Variants in ADGRB1 observed in about 807,000 individuals in gnomAD.
ADGRB1 encodes adhesion G protein-coupled receptor B1.
A neutral mutation model predicts 175.7 loss-of-function variants in ADGRB1; 36 were observed. The ratio of observed to expected loss-of-function variants is 0.20; its 90% CI spans 0.16 to 0.27. The LOEUF is 0.27. ADGRB1 is among the 10% of genes least tolerant of loss of function. ADGRB1 has a pLI of 1.00. For synonymous variants in ADGRB1, 1,054 were observed against 979.4 expected (o/e 1.08, Z -1.42); for missense variants, 1,731 against 2,255.3 (o/e 0.77, Z 4.71).
At chr8:142,481,796 C>T in intron 11 of ADGRB1, 85 bp downstream of exon 11, 2 of 1,247,860 alleles carry the variant, frequency 1.6e-6, no homozygotes, top group South Asian at 1.6e-5. Flanking sequence ...GGATCCCCAA[C>T]CCTGGCCACA....
At position 142,476,705 on chromosome 8, in the gene ADGRB1, C is replaced by A; in HGVS notation, c.1057+10C>A. 10 of 1,539,872 alleles carry A rather than the reference C, an allele frequency of 6.5e-6. No individual in the cohort carries two copies. Among genetic ancestry groups the A allele is most frequent in the Non-Finnish European group, 8.8e-6 (10 of 1,140,832 alleles). On this transcript the variant is annotated intron_variant, in intron 4 of 30. Coordinates refer to ENST00000517894, the MANE Select transcript of ADGRB1 (RefSeq NM_001702.3). The stretch of plus-strand genomic sequence containing the variant: ...CCAGCCCCCCAGACCGGTGAGCTGG[C>A]GGGAGGGGGGTGGGTGGGACTAGGG...
intron 18 of ADGRB1, among the ~76,000 whole-genome samples, chr8:142,513,024 G>A (rs868624798): frequency 3.3e-4 from 50 of 152,202 alleles, no homozygotes; most frequent in Admixed American, 1.6e-3. Context: ...TTTGGCAGGC[G>A]GTTCGTGGCT....
At chr8:142,529,716 A>T (rs892099654) in intron 24 of ADGRB1, among the ~76,000 whole-genome samples, 1 of 137,882 alleles carries the variant, frequency 7.3e-6, no homozygotes, top group Non-Finnish European at 1.6e-5. Context: ...GCGTGCATCT[A>T]TGTGTGTGAG....
Position 142,464,544 on chromosome 8 carries a change from G to A in ADGRB1, c.346G>A (p.Gly116Ser). 6.4e-7 allele frequency: 1 copy of A among 1,561,080 alleles called. No individual in the cohort carries two copies. Among genetic ancestry groups the A allele is most frequent in the Non-Finnish European group, 8.6e-7 (1 of 1,156,196 alleles). Residue 116 changes from glycine (G) to serine (S), a missense_variant, in exon 2 of 31, where the codon GGC becomes AGC. Around this residue, in one of 8 missense-constraint regions of ADGRB1, gnomAD observed 383 missense variants for 383.1 expected, o/e 1.00. Coordinates refer to ENST00000517894, the MANE Select transcript of ADGRB1 (RefSeq NM_001702.3). ...SFLESTRTYL[G>S]VESFDEVLRL... ...CCTCGAGTCCACGCGCACCTACCTG[G>A]GCGTGGAGAGCTTCGACGAGGTGCT... is the stretch of plus-strand genomic sequence containing the variant.
intron 2 of ADGRB1, among the ~76,000 whole-genome samples, chr8:142,471,412 G>GC (rs1840654730): frequency 6.6e-6 from 1 of 152,232 alleles, no homozygotes; most frequent in South Asian, 2.1e-4. Context: ...CGGGGTCGGG[G>GC]CCCGGGCGGT....
At chr8:142,522,958 G>A (rs1431539670) in intron 22 of ADGRB1, among the ~76,000 whole-genome samples, 2 of 152,214 alleles carry the variant, frequency 1.3e-5, no homozygotes, top group Non-Finnish European at 2.9e-5. Flanking sequence ...GGGCCATCAG[G>A]GCCTCCCCCT....
At chr8:142,522,405 C>T (rs143564344) in intron 21 of ADGRB1, among the ~76,000 whole-genome samples, 3 of 152,312 alleles carry the variant, frequency 2.0e-5, no homozygotes, top group Non-Finnish European at 2.9e-5. Flanking sequence ...GATTTCTCTG[C>T]GAGTCAGATG....
At chr8:142,490,730 C>G in intron 16 of ADGRB1, 42 bp from the exon 17 acceptor site, 1 of 1,555,230 alleles carries the variant, frequency 6.4e-7, no homozygotes, top group Non-Finnish European at 8.7e-7. Flanking sequence ...GGGGGCTGGT[C>G]CTGGCTGCCA....
chr8:142,469,944 G>A (rs1840559880), intron 2 of ADGRB1, among the ~76,000 whole-genome samples: 1 of 152,324 alleles, frequency 6.6e-6, no homozygotes, highest in Non-Finnish European at 1.5e-5. Flanking sequence ...GTGGGACCTG[G>A]GGACACTGGG....
intron 25 of ADGRB1, 136 bp downstream of exon 25, chr8:142,533,602 C>A (rs1039084828): frequency 9.6e-7 from 1 of 1,047,090 alleles, no homozygotes. Flanking sequence ...CATCTGCAGG[C>A]CTCGGTGGTC....
chr8:142,521,021 C>A, intron 20 of ADGRB1, 96 bp downstream of exon 20: 1 of 1,244,678 alleles, frequency 8.0e-7, no homozygotes, highest in Non-Finnish European at 1.1e-6. Context: ...CCCTGGGAAA[C>A]TCAGGCAGGC....
intron 24 of ADGRB1, among the ~76,000 whole-genome samples, chr8:142,530,248 G>T (rs563737238): frequency 1.3e-5 from 2 of 151,954 alleles, no homozygotes; most frequent in African/African-American, 4.8e-5. Flanking sequence ...GTGTGTGTAC[G>T]CATGTGTGCC....
intron 13 of ADGRB1, among the ~76,000 whole-genome samples, chr8:142,486,872 A>C (rs996087437): frequency 1.3e-5 from 2 of 152,022 alleles, no homozygotes; most frequent in East Asian, 1.9e-4. Flanking sequence ...TTTTAAAAAA[A>C]TTAGCCAGGC....
At chr8:142,467,228 G>T (rs1181973293) in intron 2 of ADGRB1, among the ~76,000 whole-genome samples, 1 of 152,230 alleles carries the variant, frequency 6.6e-6, no homozygotes. Flanking sequence ...GGAACCCAAG[G>T]GCCTTAGCAG....
At chr8:142,544,112 C>A in intron 30 of ADGRB1, 108 bp from the exon 31 acceptor site, 2 of 1,223,834 alleles carry the variant, frequency 1.6e-6, no homozygotes, top group Non-Finnish European at 2.3e-6. Flanking sequence ...TGTCCCCCAC[C>A]TCCCGTCCCT....
At chr8:142,502,010 T>C (rs1222159975) in intron 17 of ADGRB1, among the ~76,000 whole-genome samples, 1 of 146,518 alleles carries the variant, frequency 6.8e-6, no homozygotes, top group East Asian at 2.1e-4. Context: ...ATGGTGATAG[T>C]GATGGTTGTG....
Position 142,489,317 on chromosome 8 carries a change from G to C in ADGRB1, c.2529-19G>C, listed in dbSNP as rs1469275249. 2.5e-6 allele frequency: 4 copies of C among 1,612,162 alleles called. No individual in the cohort carries two copies. The highest frequency in any genetic ancestry group is 3.4e-6 in the Non-Finnish European group (4 of 1,179,368). Reference sequence around the variant, plus strand: ...GGCTGGGAGGGCTCCCCCGACACCTGTGCCTCTGGCTCTTGCAGGAACACG... The same window carrying C: ...GGCTGGGAGGGCTCCCCCGACACCTCTGCCTCTGGCTCTTGCAGGAACACG... On this transcript the variant is annotated intron_variant, in intron 15 of 30. Transcript: ENST00000517894.
chr8:142,485,707 C>T lies in ADGRB1; in HGVS notation c.2308+943C>T, dbSNP rs377069716. On this transcript the variant is annotated intron_variant, in intron 13 of 30. Coordinates refer to ENST00000517894, the MANE Select transcript of ADGRB1 (RefSeq NM_001702.3). ...ACTGGTAGCCAGCTCCCAGAGCACTCGGCACAGCCCACAGCCCCTGGAATG... is the reference window on the plus strand; with the variant it reads ...ACTGGTAGCCAGCTCCCAGAGCACTTGGCACAGCCCACAGCCCCTGGAATG... 9.8e-5 allele frequency among the ~76,000 whole-genome samples: 15 copies of T among 152,334 alleles called. 1 individual carries two copies. In the East Asian group the frequency reaches 1.2e-3, roughly 12 times the overall value.
chr8:142,525,460 G>A (rs527990043), intron 23 of ADGRB1, among the ~76,000 whole-genome samples: 7 of 152,200 alleles, frequency 4.6e-5, no homozygotes, highest in African/African-American at 9.6e-5. Context: ...TTGGGGCCAC[G>A]TGGGGCAGGC....
Sources: gnomAD v4.1 joint callset for allele counts (sites outside exome capture counted in the v4.1 genomes callset) on GRCh38, gnomAD v4.1.1 for gene constraint, gnomAD v4.1.1 regional missense constraint, MANE v1.5 for transcripts, NCBI Gene and HGNC (gene_info 2026-07-23, HGNC 2026-07-21) for gene names.